Variants in RSPH1 observed in about 807,000 individuals in gnomAD.
RSPH1 encodes radial spoke head component 1.
A neutral mutation model predicts 44.2 loss-of-function variants in RSPH1; 32 were observed. The ratio of observed to expected loss-of-function variants is 0.72; its 90% CI spans 0.55 to 0.97. The LOEUF (loss-of-function observed/expected upper bound fraction) is 0.97. Among genes scored for constraint, RSPH1 ranks in the 50% least tolerant of loss-of-function variants. The pLI, the probability that RSPH1 is intolerant of heterozygous loss-of-function variation, is 0.00. For synonymous variants in RSPH1, 134 were observed against 147.3 expected (o/e 0.91, Z 0.65); for missense variants, 391 against 398.7 (o/e 0.98, Z 0.16).
intron 1 of RSPH1, 101 bp downstream of exon 1, chr21:42,496,032 C>T (rs1259079542): frequency 1.2e-5 from 17 of 1,362,298 alleles, no homozygotes; most frequent in Non-Finnish European, 1.8e-5. Flanking sequence ...AGCTGTGGCT[C>T]AGACCTCTGG....
intron 7 of RSPH1, among the ~76,000 whole-genome samples, chr21:42,476,921 A>G (rs1381473186): frequency 2.0e-5 from 3 of 152,160 alleles, no homozygotes; most frequent in Non-Finnish European, 4.4e-5. Context: ...TGAAAACAGG[A>G]TGTCCACAAC....
intron 6 of RSPH1, among the ~76,000 whole-genome samples, chr21:42,481,071 C>T (rs977594575): frequency 1.3e-5 from 2 of 152,070 alleles, no homozygotes; most frequent in Non-Finnish European, 2.9e-5. Context: ...ATGTGACCCC[C>T]GGGGTTGGAG....
rs767976911 is a variant in RSPH1, at chr21:42,493,024, C to T, written c.110G>A (p.Arg37Gln). The part of the protein sequence containing the change: ...AGERHGRGRA[R>Q]LPNGDTYEGS... ...TTCGTAGGTGTCCCCGTTGGGTAGC[C>T]GTGCCCTCCCACGTCCGTGCCTTTC... Residue 37 changes from arginine (R) to glutamine (Q), a missense_variant, in exon 2 of 9, where the codon CGG becomes CAG. Arg to Gln is a conservative substitution (Grantham distance 43). Transcript: ENST00000291536. 10 of 1,614,074 alleles carry T rather than the reference C, an allele frequency of 6.2e-6. No homozygotes were observed. The highest frequency in any genetic ancestry group is 5.3e-5 in the African/African-American group (4 of 74,910).
Position 42,492,077 on chromosome 21 carries a change from C to T in RSPH1, c.274+681G>A, listed in dbSNP as rs1020311924. Among the ~76,000 whole-genome samples the T allele has an allele frequency of 2.0e-5, 3 of 152,294 alleles. No individual in the cohort carries two copies. The East Asian group carries it at 5.8e-4, about 29-fold the overall frequency. On this transcript the variant is annotated intron_variant, in intron 3 of 8. Transcript: ENST00000291536. The stretch of plus-strand genomic sequence containing the variant: ...AATTTCTTTCTTCCTAGGGAAAAAA[C>T]AAAAAGCCCAGAACACAGAATTTTA...
In RSPH1 at chr21:42,482,650, C is replaced by T. The variant is rs746604496; in HGVS notation, c.560G>A (p.Arg187His). 18 of 1,611,712 alleles carry T rather than the reference C, an allele frequency of 1.1e-5. No individual in the cohort carries two copies. The highest frequency in any genetic ancestry group is 1.6e-4 in the Middle Eastern group (1 of 6,084). ...TCCGCAACTTACCATATCTGTTAAACGATATTCACCATGTTGTTCACACCC... is the reference window on the plus strand; with the variant it reads ...TCCGCAACTTACCATATCTGTTAAATGATATTCACCATGTTGTTCACACCC... ...DVGCEQHGEY[R>H]LTDMERGEEE... The change falls in exon 6 of 9, where the codon CGT becomes CAT. Residue 187 changes from arginine (R) to histidine (H), a missense_variant. Arg to His is a conservative substitution (Grantham distance 29, BLOSUM62 0). Coordinates refer to ENST00000291536, the MANE Select transcript of RSPH1 (RefSeq NM_080860.4).
intron 6 of RSPH1, 31 bp from the exon 7 acceptor site, chr21:42,477,475 A>T (rs373304562): frequency 6.2e-7 from 1 of 1,606,428 alleles, no homozygotes; most frequent in African/African-American, 1.3e-5. Flanking sequence ...TACATTTACC[A>T]ACATTTGTGT....
chr21:42,486,907 A>C (rs549470746), intron 3 of RSPH1, among the ~76,000 whole-genome samples: 1 of 152,328 alleles, frequency 6.6e-6, no homozygotes, highest in East Asian at 1.9e-4. Context: ...AGTGATCCTA[A>C]CACCACACTT....
chr21:42,476,712 G>A (rs1251142759), intron 7 of RSPH1, among the ~76,000 whole-genome samples: 2 of 152,032 alleles, frequency 1.3e-5, no homozygotes, highest in African/African-American at 4.8e-5. Flanking sequence ...AAGGGTCCCC[G>A]AGACGCCACA....
intron 1 of RSPH1, among the ~76,000 whole-genome samples, chr21:42,494,447 A>C (rs2054266621): frequency 6.6e-6 from 1 of 152,158 alleles, no homozygotes; most frequent in Non-Finnish European, 1.5e-5. Flanking sequence ...GATTTGTTTC[A>C]GGGTTAGTTT....
At chr21:42,476,861 A>T (rs566693504) in intron 7 of RSPH1, among the ~76,000 whole-genome samples, 1 of 151,988 alleles carries the variant, frequency 6.6e-6, no homozygotes, top group African/African-American at 2.4e-5. Flanking sequence ...CATCCCGCAC[A>T]CTCAACTGAC....
chr21:42,485,622 G>A (rs755542611), intron 5 of RSPH1, 47 bp downstream of exon 5: 3 of 1,610,606 alleles, frequency 1.9e-6, no homozygotes, highest in South Asian at 1.1e-5. Flanking sequence ...CTGCCAGAGG[G>A]GGTTATTTTG....
rs1316479135 is a variant in RSPH1 at position 42,496,132 on chromosome 21, C to T, written c.54+1G>A. ...AGCCCTTTCTCACCAGGAGCTCTCACCCCAATATCATTCTCTCCCTCCTCC... is the reference window on the plus strand; with the variant it reads ...AGCCCTTTCTCACCAGGAGCTCTCATCCCAATATCATTCTCTCCCTCCTCC... On this transcript the variant is annotated splice_donor_variant, in intron 1 of 8. Coordinates refer to ENST00000291536, the MANE Select transcript of RSPH1 (RefSeq NM_080860.4). LOFTEE classifies it high-confidence loss of function. 6.2e-7 allele frequency: 1 copy of T among 1,614,184 alleles called. No individual in the cohort carries two copies. Among genetic ancestry groups the T allele is most frequent in the African/African-American group, 1.3e-5 (1 of 75,068 alleles).
chr21:42,495,919 A>C, intron 1 of RSPH1: 2 of 561,218 alleles, frequency 3.6e-6, no homozygotes, highest in Non-Finnish European at 6.4e-6. Flanking sequence ...ACGAGGCGGC[A>C]TGTGGTAACC....
intron 8 of RSPH1, among the ~76,000 whole-genome samples, chr21:42,473,714 A>T (rs1327317639): frequency 6.6e-6 from 1 of 152,102 alleles, no homozygotes; most frequent in Non-Finnish European, 1.5e-5. Flanking sequence ...TCTGCCGACT[A>T]AGCCTATTTT....
At chr21:42,492,564 G>A (rs1277059444) in intron 3 of RSPH1, among the ~76,000 whole-genome samples, 194 bp downstream of exon 3, 1 of 152,226 alleles carries the variant, frequency 6.6e-6, no homozygotes. Flanking sequence ...AGATTCATTA[G>A]TGAGTTAATT....
At chr21:42,480,125 G>T (rs1451386263) in intron 6 of RSPH1, among the ~76,000 whole-genome samples, 1 of 152,186 alleles carries the variant, frequency 6.6e-6, no homozygotes, top group East Asian at 1.9e-4. Context: ...TGGCCAGAGT[G>T]ATGTGCAGAA....
chr21:42,485,532 G>T, intron 5 of RSPH1, 137 bp downstream of exon 5: 1 of 959,926 alleles, frequency 1.0e-6, no homozygotes, highest in Non-Finnish European at 1.6e-6. Flanking sequence ...TGGCACAGCT[G>T]TCCTGTTCTC....
Position 42,477,276 on chromosome 21 carries a change from G to C in RSPH1, c.727+15C>G, listed in dbSNP as rs202146973. 59 of 1,578,916 alleles carry C rather than the reference G, an allele frequency of 3.7e-5. 1 individual carries two copies. The African/African-American group carries it at 7.0e-4, about 19-fold the overall frequency. ...CTCTGCCCCCTCCACCCCACAGCCC[G>C]GGGGTGCCCCACACTCTCAGCTCCT... is the stretch of plus-strand genomic sequence containing the variant. On this transcript the variant is annotated intron_variant, in intron 7 of 8. Transcript: ENST00000291536.
intron 6 of RSPH1, among the ~76,000 whole-genome samples, chr21:42,480,151 G>A (rs1248917235): frequency 1.3e-5 from 2 of 152,162 alleles, no homozygotes; most frequent in Admixed American, 1.3e-4. Context: ...AATATCACAG[G>A]AGCGGGAATC....
Sources: gnomAD v4.1 joint callset for allele counts (sites outside exome capture counted in the v4.1 genomes callset) on GRCh38, gnomAD v4.1.1 for gene constraint, MANE v1.5 for transcripts, NCBI Gene and HGNC (gene_info 2026-07-23, HGNC 2026-07-21) for gene names.